The following PRR5L variants were observed in gnomAD, a reference collection of about 807,000 sequenced individuals.
PRR5L encodes the protein proline-rich protein 5-like.
A neutral mutation model predicts 36.4 loss-of-function variants in PRR5L; 21 were observed. That is an observed-to-expected ratio of 0.58 (90% CI 0.41 to 0.83). The LOEUF is 0.83. Among genes scored for constraint, PRR5L ranks in the 40% least tolerant of loss-of-function variants. The pLI, the probability that PRR5L is intolerant of heterozygous loss-of-function variation, is 0.00. For synonymous variants in PRR5L, 188 were observed against 197.0 expected (o/e 0.95, Z 0.38); for missense variants, 381 against 473.3 (o/e 0.80, Z 1.81).
chr11:36,340,232 T>A (rs1294935641), intron 1 of PRR5L, among the ~76,000 whole-genome samples: 1 of 152,222 alleles, frequency 6.6e-6, no homozygotes, highest in Non-Finnish European at 1.5e-5. Flanking sequence ...AAATTAGATG[T>A]CACACAAAGT....
chr11:36,436,198 C>T (rs1858603795), intron 5 of PRR5L, among the ~76,000 whole-genome samples: 2 of 152,228 alleles, frequency 1.3e-5, no homozygotes, highest in South Asian at 4.1e-4. Flanking sequence ...CCAAATGAAT[C>T]TTTCAAGATT....
At chr11:36,342,313 T>C (rs572517710) in intron 1 of PRR5L, among the ~76,000 whole-genome samples, 1 of 152,266 alleles carries the variant, frequency 6.6e-6, no homozygotes, top group South Asian at 2.1e-4. Context: ...CCTGGAAATA[T>C]AAAGCTGGAG....
At chr11:36,356,133 A>G (rs1474863417) in intron 1 of PRR5L, among the ~76,000 whole-genome samples, 1 of 151,584 alleles carries the variant, frequency 6.6e-6, no homozygotes, top group Non-Finnish European at 1.5e-5. Flanking sequence ...GCTGGTCTCG[A>G]CCTCCTGAGC....
At chr11:36,410,919 C>G (rs1858012175) in intron 3 of PRR5L, among the ~76,000 whole-genome samples, 1 of 152,210 alleles carries the variant, frequency 6.6e-6, no homozygotes, top group African/African-American at 2.4e-5. Context: ...CTGGAGGACC[C>G]CTGCTGTTCC....
chr11:36,343,432 A>AT (rs1856835285), intron 1 of PRR5L, among the ~76,000 whole-genome samples: 3 of 152,342 alleles, frequency 2.0e-5, no homozygotes, highest in South Asian at 4.1e-4. Flanking sequence ...TAAAGGTCTC[A>AT]CAACCTTGCC....
At chr11:36,437,861 C>T (rs1858638009) in intron 6 of PRR5L, among the ~76,000 whole-genome samples, 1 of 151,964 alleles carries the variant, frequency 6.6e-6, no homozygotes, top group South Asian at 2.1e-4. Flanking sequence ...TTTTGTGAAG[C>T]ATAATTTTAA....
At chr11:36,429,570 C>T (rs1228590438) in intron 4 of PRR5L, among the ~76,000 whole-genome samples, 3 of 151,876 alleles carry the variant, frequency 2.0e-5, no homozygotes, top group Non-Finnish European at 4.4e-5. Context: ...ATCACAGAGG[C>T]GATCTCTATT....
chr11:36,437,348 TTTC>T, intron 5 of PRR5L, 34 bp from the exon 6 acceptor site: 1 of 1,339,262 alleles, frequency 7.5e-7, no homozygotes, highest in Non-Finnish European at 1.1e-6. Context: ...AATTCTTTTC[TTTC>T]TTCCTCCCTT....
intron 1 of PRR5L, among the ~76,000 whole-genome samples, chr11:36,299,788 A>G (rs533210126): frequency 6.6e-6 from 1 of 152,248 alleles, no homozygotes; most frequent in East Asian, 1.9e-4. Context: ...CTGGGCCTTC[A>G]TCATCCAGGC....
At chr11:36,446,496 T>C (rs1590600550) in intron 7 of PRR5L, 56 bp downstream of exon 7, 2 of 1,600,418 alleles carry the variant, frequency 1.2e-6, no homozygotes, top group African/African-American at 1.3e-5. Context: ...AGGGAAGAGA[T>C]TGCCTTTCTG....
intron 8 of PRR5L, among the ~76,000 whole-genome samples, chr11:36,458,400 G>C (rs983299805): frequency 3.3e-5 from 5 of 152,168 alleles, no homozygotes; most frequent in Admixed American, 3.3e-4. Context: ...GGGAGATTGG[G>C]ACTAAACAGC....
chr11:36,318,791 T>C (rs374530387), intron 1 of PRR5L, among the ~76,000 whole-genome samples: 11 of 151,710 alleles, frequency 7.3e-5, no homozygotes, highest in East Asian at 3.9e-4. Context: ...TGAGAGAAAG[T>C]TGGATCACAG....
intron 1 of PRR5L, among the ~76,000 whole-genome samples, chr11:36,353,789 C>T (rs1162910195): frequency 6.6e-6 from 1 of 152,166 alleles, no homozygotes; most frequent in African/African-American, 2.4e-5. Context: ...TGCTTGCTTG[C>T]CCACCACTCA....
chr11:36,315,600 A>G (rs1856547338), intron 1 of PRR5L, among the ~76,000 whole-genome samples: 1 of 152,208 alleles, frequency 6.6e-6, no homozygotes, highest in Non-Finnish European at 1.5e-5. Context: ...GACACATTAG[A>G]ATTAATCTGA....
intron 4 of PRR5L, among the ~76,000 whole-genome samples, chr11:36,421,172 C>T (rs1171668185): frequency 1.3e-5 from 2 of 152,160 alleles, no homozygotes; most frequent in Admixed American, 6.5e-5. Context: ...GTTGAATTGC[C>T]TTCCTCCTTG....
At chr11:36,319,849 T>A (rs938333293) in intron 1 of PRR5L, among the ~76,000 whole-genome samples, 24 of 152,098 alleles carry the variant, frequency 1.6e-4, no homozygotes, top group African/African-American at 5.6e-4. Context: ...ATAGACAAAT[T>A]ACAAATTCCC....
rs549499550 is a variant in PRR5L at position 36,341,945 on chromosome 11, T to C, written c.-126+45507T>C. Among the ~76,000 whole-genome samples the C allele has an allele frequency of 2.6e-5, 4 of 152,356 alleles. No individual in the cohort carries two copies. The East Asian group carries it at 7.7e-4, about 29-fold the overall frequency. On this transcript the variant is annotated intron_variant, in intron 1 of 8. Transcript: ENST00000530639. ...GACAACTGGAAGCGGAAAGAAATGT[T>C]GGGTGGACATTGGACAGCTAATGGA...
intron 1 of PRR5L, among the ~76,000 whole-genome samples, chr11:36,305,398 G>A (rs933199207): frequency 1.3e-5 from 2 of 152,214 alleles, no homozygotes; most frequent in African/African-American, 4.8e-5. Context: ...GAAATGGAGA[G>A]TGACTGTTAA....
chr11:36,361,591 T>A (rs1857089452), intron 1 of PRR5L, among the ~76,000 whole-genome samples: 1 of 152,192 alleles, frequency 6.6e-6, no homozygotes, highest in East Asian at 1.9e-4. Context: ...TATTTACTGT[T>A]TCTACCAGAG....
Sources: allele counts gnomAD v4.1 joint callset (sites outside exome capture counted in the v4.1 genomes callset), GRCh38; gene constraint gnomAD v4.1.1; transcripts MANE v1.5; gene names NCBI Gene and HGNC (gene_info 2026-07-23, HGNC 2026-07-21).